The following PLEKHA7 variants were observed in gnomAD, a reference collection of about 807,000 sequenced individuals.
PLEKHA7 encodes pleckstrin homology domain-containing family A member 7.
In PLEKHA7, 104 loss-of-function variants were observed where a neutral mutation model predicts 170.0. That is an observed-to-expected ratio of 0.61 (90% confidence interval 0.52 to 0.72). The LOEUF is 0.72. PLEKHA7 is among the 30% of genes least tolerant of loss of function. The pLI, the probability that PLEKHA7 is intolerant of heterozygous loss-of-function variation, is 0.00. For missense variants in PLEKHA7, 1,615 were observed against 1,671.7 expected, an observed-to-expected ratio of 0.97 and a Z score of 0.59; for synonymous variants, 648 against 660.8, an observed-to-expected ratio of 0.98 and a Z score of 0.30.
chr11:16,943,441 TC>T (rs1565140754), intron 3 of PLEKHA7, among the ~76,000 whole-genome samples: 3 of 151,974 alleles, frequency 2.0e-5, no homozygotes, highest in African/African-American at 7.3e-5. Flanking sequence ...AGTCTCTCCC[TC>T]CCCCGATACA....
chr11:16,947,600 A>AAAAG (rs200146477), intron 3 of PLEKHA7, among the ~76,000 whole-genome samples: 36 of 147,216 alleles, frequency 2.4e-4, no homozygotes, highest in South Asian at 1.7e-3. Flanking sequence ...AAAAAAAAAA[A>AAAAG]AAAGAAAGAA....
intron 4 of PLEKHA7, among the ~76,000 whole-genome samples, chr11:16,865,040 T>A (rs1406746600): frequency 6.6e-6 from 1 of 152,174 alleles, no homozygotes; most frequent in Non-Finnish European, 1.5e-5. Flanking sequence ...GGTCACAGGA[T>A]AGGGCTTCTA....
chr11:16,895,159 G>A (rs1565085050), intron 3 of PLEKHA7, among the ~76,000 whole-genome samples: 1 of 152,150 alleles, frequency 6.6e-6, no homozygotes, highest in Admixed American at 6.5e-5. Flanking sequence ...CTCCAGTACA[G>A]GGTAAGGGTT....
intron 3 of PLEKHA7, among the ~76,000 whole-genome samples, chr11:16,874,015 C>A (rs1855083413): frequency 6.6e-6 from 1 of 152,168 alleles, no homozygotes; most frequent in African/African-American, 2.4e-5. Context: ...TCTGAAAATG[C>A]AAACTTTAAA....
intron 9 of PLEKHA7, among the ~76,000 whole-genome samples, chr11:16,832,899 A>G (rs775682327): frequency 6.6e-6 from 1 of 152,112 alleles, no homozygotes; most frequent in Non-Finnish European, 1.5e-5. Context: ...CTGAGCACTG[A>G]TCTGCAGTCT....
Position 16,802,903 on chromosome 11 carries a change from T to G in PLEKHA7, c.2157+69A>C, listed in dbSNP as rs894577164. 1.6e-5 allele frequency: 20 copies of G among 1,284,004 alleles called. No individual in the cohort carries two copies. The Admixed American group carries it at 1.9e-4, about 12-fold the overall frequency. 79.5% of individuals were successfully genotyped at this position (1,284,004 alleles called of 1,614,324 possible). A position where few individuals can be genotyped will look rare whatever the true frequency, so the allele number is the denominator to read the frequency against. On this transcript the variant is annotated intron_variant, in intron 15 of 26. Coordinates refer to ENST00000531066, the MANE Select transcript of PLEKHA7 (RefSeq NM_001329630.2). ...TCAATACTAACATGAGGGTCCAGCC[T>G]ATGTCTCAAGAAAGACAGGACAAAA...
chr11:16,837,649 C>CA, intron 9 of PLEKHA7, among the ~76,000 whole-genome samples: 1 of 151,890 alleles, frequency 6.6e-6, no homozygotes, highest in East Asian at 1.9e-4. Flanking sequence ...TAAAACAAAA[C>CA]AAAAACAAAA....
chr11:17,005,483 G>C (rs1416179380), intron 3 of PLEKHA7, among the ~76,000 whole-genome samples: 1 of 152,222 alleles, frequency 6.6e-6, no homozygotes, highest in African/African-American at 2.4e-5. Flanking sequence ...AGTGAGCTGA[G>C]ATCATGCCAC....
At chr11:16,794,760 C>A (rs1848102636) in intron 18 of PLEKHA7, 46 bp from the exon 19 acceptor site, 1 of 1,590,050 alleles carries the variant, frequency 6.3e-7, no homozygotes, top group South Asian at 1.1e-5. Flanking sequence ...AACAAAGACC[C>A]CCTTCCTTGG....
chr11:16,883,181 C>T (rs887815988), intron 3 of PLEKHA7, among the ~76,000 whole-genome samples: 28 of 152,170 alleles, frequency 1.8e-4, no homozygotes, highest in Non-Finnish European at 4.0e-4. Flanking sequence ...GGGAGATACA[C>T]TGGCTTTGGA....
rs452745 is a variant in PLEKHA7 at position 16,841,540 on chromosome 11, A to G, written c.872+7T>C. 0.13 allele frequency: 206,572 copies of G among 1,611,682 alleles called. 14,946 individuals carry two copies. Among genetic ancestry groups the G allele is most frequent in the African/African-American group, 0.27 (20,419 of 74,928 alleles). On this transcript the variant is annotated splice_region_variant and intron_variant, in intron 9 of 26. Transcript: ENST00000531066. ...TGCTGTGGCAGGGACCCTCCATCAG[A>G]ACTAACCTCTTCAGTGACGATCGAG...
intron 3 of PLEKHA7, among the ~76,000 whole-genome samples, chr11:16,958,911 AGAAGTGTCAAT>A (rs1050861632): frequency 6.6e-6 from 1 of 152,102 alleles, no homozygotes; most frequent in African/African-American, 2.4e-5. Context: ...TTGGAAAAAC[AGAAGTGTCAAT>A]GCTGGGGTGG....
chr11:16,910,091 T>G, intron 3 of PLEKHA7, among the ~76,000 whole-genome samples: 1 of 152,238 alleles, frequency 6.6e-6, no homozygotes, highest in Non-Finnish European at 1.5e-5. Flanking sequence ...ATTGCTGTGC[T>G]GAGTTCTGCA....
intron 21 of PLEKHA7, 173 bp from the exon 22 acceptor site, chr11:16,790,051 G>A: frequency 1.5e-6 from 1 of 645,486 alleles, no homozygotes; most frequent in East Asian, 2.8e-5. Context: ...TAGAGGATGG[G>A]GGCCAGCCCA....
In PLEKHA7 at chr11:16,784,370, C is replaced by T. The variant is rs75228595; in HGVS notation, c.3517-537G>A. 3.3e-3 allele frequency among the ~76,000 whole-genome samples: 503 copies of T among 152,294 alleles called. 2 individuals carry two copies. The highest frequency in any genetic ancestry group is 0.011 in the African/African-American group (470 of 41,552). ...ATGCAGGGACTTAGTACTTAGTAGC[C>T]CTCCAACTAATTCTCCCTGAATGGA... On this transcript the variant is annotated intron_variant, in intron 24 of 26. Coordinates refer to ENST00000531066, the MANE Select transcript of PLEKHA7 (RefSeq NM_001329630.2).
At chr11:16,962,602 A>T (rs1315921425) in intron 3 of PLEKHA7, among the ~76,000 whole-genome samples, 1 of 152,198 alleles carries the variant, frequency 6.6e-6, no homozygotes, top group Non-Finnish European at 1.5e-5. Flanking sequence ...CTGGGACTAC[A>T]GGTGCATACC....
In PLEKHA7 at chr11:16,887,336, C is replaced by CCCTCTCCCTCTCCCCACGGTCTG. The variant is rs796562694; in HGVS notation, c.222-16177_222-16155dup. ...CTCCCTCTCCCTCTCCCCACGGTCT[C>CCCTCTCCCTCTCCCCACGGTCTG]CCTCTCCCTCTCCCCACGGTCTGCC... On this transcript the variant is annotated intron_variant, in intron 3 of 26. Transcript: ENST00000531066. 5.8e-4 allele frequency among the ~76,000 whole-genome samples: 83 copies of CCCTCTCCCTCTCCCCACGGTCTG among 143,950 alleles called. 1 individual carries two copies. The highest frequency in any genetic ancestry group is 2.0e-3 in the African/African-American group (75 of 37,802). The allele number at this position is 143,950 out of a possible 152,430, so 94.4% of individuals were successfully genotyped here.
intron 3 of PLEKHA7, among the ~76,000 whole-genome samples, chr11:16,996,215 T>C (rs937031358): frequency 1.3e-5 from 2 of 152,234 alleles, no homozygotes; most frequent in Non-Finnish European, 2.9e-5. Flanking sequence ...TTACAGAGGT[T>C]ACATAACCTG....
chr11:16,931,822 G>A (rs1326492766), intron 3 of PLEKHA7, among the ~76,000 whole-genome samples: 1 of 151,612 alleles, frequency 6.6e-6, no homozygotes, highest in Non-Finnish European at 1.5e-5. Context: ...GGAACCTCTT[G>A]GGATATCTTT....
Sources: gnomAD v4.1 joint callset for allele counts (sites outside exome capture counted in the v4.1 genomes callset) on GRCh38, gnomAD v4.1.1 for gene constraint, MANE v1.5 for transcripts, NCBI Gene and HGNC (gene_info 2026-07-23, HGNC 2026-07-21) for gene names.